Variants in KLHL29 observed in about 807,000 individuals in gnomAD.
The protein encoded by KLHL29 is kelch like family member 29.
In KLHL29, 21 loss-of-function variants were observed where a neutral mutation model predicts 80.4. That is an observed-to-expected ratio of 0.26 (90% CI 0.19 to 0.38). The LOEUF (loss-of-function observed/expected upper bound fraction) is 0.38, where lower values mean the gene tolerates loss of function less well. KLHL29 is among the 10% of genes least tolerant of loss of function. The probability of loss-of-function intolerance (pLI) is 1.00; values close to 1 mark genes in which losing one functional copy is unlikely to be tolerated. For missense variants in KLHL29, 867 were observed against 1,223.9 expected, an observed-to-expected ratio of 0.71 and a Z score of 4.35; for synonymous variants, 511 against 526.8, an observed-to-expected ratio of 0.97 and a Z score of 0.41.
intron 3 of KLHL29, among the ~76,000 whole-genome samples, chr2:23,597,640 G>A (rs1241250432): frequency 6.6e-6 from 1 of 151,774 alleles, no homozygotes; most frequent in East Asian, 2.0e-4. Flanking sequence ...GGCCAGACTG[G>A]TTTTGAACTC....
chr2:23,525,024 G>A (rs1206459612), intron 2 of KLHL29, among the ~76,000 whole-genome samples: 1 of 152,202 alleles, frequency 6.6e-6, no homozygotes, highest in Non-Finnish European at 1.5e-5. Flanking sequence ...AATACATACT[G>A]TTACTTTTAA....
chr2:23,589,326 T>A (rs1668199859), intron 3 of KLHL29, among the ~76,000 whole-genome samples: 1 of 152,192 alleles, frequency 6.6e-6, no homozygotes. Context: ...CTAGAGCACA[T>A]GAAATGGAAA....
chr2:23,620,308 G>C (rs1669138101), intron 3 of KLHL29, among the ~76,000 whole-genome samples: 1 of 152,172 alleles, frequency 6.6e-6, no homozygotes, highest in Non-Finnish European at 1.5e-5. Flanking sequence ...TGTTAGGGAG[G>C]AGAGTGACAT....
rs561436860 is a variant in KLHL29, at chr2:23,519,816, G to A, written c.-45-42336G>A. 8.9e-4 allele frequency among the ~76,000 whole-genome samples: 135 copies of A among 152,298 alleles called. 2 individuals carry two copies. In the South Asian group the frequency reaches 0.027, roughly 31 times the overall value. On this transcript the variant is annotated intron_variant, in intron 2 of 13. Coordinates refer to ENST00000486442, the MANE Select transcript of KLHL29 (RefSeq NM_052920.2). ...GCAAAGGCAGGAAGACCCAAAGTGA[G>A]GAGGGAGCTTCCAGGTCCCAGATAG... is the stretch of plus-strand genomic sequence containing the variant.
At chr2:23,417,321 A>T (rs901298367) in intron 1 of KLHL29, among the ~76,000 whole-genome samples, 3 of 152,118 alleles carry the variant, frequency 2.0e-5, no homozygotes, top group Non-Finnish European at 4.4e-5. Context: ...TAGAGATCTC[A>T]TTTGGGGATA....
chr2:23,635,477 A>G lies in KLHL29; in HGVS notation c.286-3662A>G, dbSNP rs544110684. Among the ~76,000 whole-genome samples, 83 of 152,340 alleles carry G rather than the reference A, an allele frequency of 5.4e-4. 3 individuals carry two copies. In the South Asian group the frequency reaches 0.017, roughly 31 times the overall value. ...GAGGCCCCCAGCCCCCATGGCCAGC[A>G]GGTGCCTCCCCCTCTGCGCTGCCTC... On this transcript the variant is annotated intron_variant, in intron 3 of 13. Coordinates refer to ENST00000486442, the MANE Select transcript of KLHL29 (RefSeq NM_052920.2).
intron 1 of KLHL29, among the ~76,000 whole-genome samples, chr2:23,432,990 G>T (rs1291970557): frequency 6.6e-6 from 1 of 152,182 alleles, no homozygotes; most frequent in East Asian, 1.9e-4. Context: ...GGAATCAAAG[G>T]GGACTTTGGG....
chr2:23,387,129 T>C (rs1402072005), intron 1 of KLHL29, among the ~76,000 whole-genome samples: 1 of 152,160 alleles, frequency 6.6e-6, no homozygotes, highest in Non-Finnish European at 1.5e-5. Context: ...GGGCGAATCG[T>C]GGACGCAGGT....
intron 5 of KLHL29, among the ~76,000 whole-genome samples, chr2:23,676,194 T>G (rs1319534264): frequency 2.0e-5 from 3 of 152,198 alleles, no homozygotes; most frequent in African/African-American, 7.2e-5. Flanking sequence ...TTTGTTTTTT[T>G]TTTTTTTGAG....
intron 2 of KLHL29, among the ~76,000 whole-genome samples, chr2:23,557,648 G>A (rs1667332002): frequency 6.6e-6 from 1 of 152,092 alleles, no homozygotes; most frequent in African/African-American, 2.4e-5. Flanking sequence ...GGCAGAGAGT[G>A]GAGAGGTTTT....
At chr2:23,410,647 G>A (rs190022450) in intron 1 of KLHL29, among the ~76,000 whole-genome samples, 92 of 152,108 alleles carry the variant, frequency 6.0e-4, no homozygotes, top group African/African-American at 2.0e-3. Context: ...CTGTTGGTCC[G>A]CAGTCCTCTT....
intron 2 of KLHL29, among the ~76,000 whole-genome samples, chr2:23,526,908 T>C (rs934988824): frequency 2.6e-5 from 4 of 152,108 alleles, no homozygotes; most frequent in Non-Finnish European, 2.9e-5. Context: ...GAGCCGGGTG[T>C]TAAACATTTA....
chr2:23,465,544 C>T (rs1664325658), intron 1 of KLHL29, among the ~76,000 whole-genome samples: 1 of 152,194 alleles, frequency 6.6e-6, no homozygotes, highest in Non-Finnish European at 1.5e-5. Flanking sequence ...TCAGAGGGTT[C>T]CCAGCAGGAC....
chr2:23,704,883 T>A (rs1672621893), intron 13 of KLHL29, among the ~76,000 whole-genome samples: 1 of 152,246 alleles, frequency 6.6e-6, no homozygotes. Flanking sequence ...GGGAATAGCA[T>A]GAAGTACTTA....
In KLHL29 at chr2:23,647,273, G is replaced by C. The variant is rs1669963932; in HGVS notation, c.940+4423G>C. ...TCCAGGGCACATTGTTCCTTCCACA[G>C]CCTCCATAAATATTCTGGAAGAAGC... is the stretch of plus-strand genomic sequence containing the variant. On this transcript the variant is annotated intron_variant, in intron 5 of 13. Coordinates refer to ENST00000486442, the MANE Select transcript of KLHL29 (RefSeq NM_052920.2). The surrounding 1 kb of genome is among the most constrained non-coding windows in gnomAD (Gnocchi z 4.9). 6.6e-6 allele frequency among the ~76,000 whole-genome samples: 1 copy of C among 152,176 alleles called. No individual in the cohort carries two copies. The highest frequency in any genetic ancestry group is 1.5e-5 in the Non-Finnish European group (1 of 68,034).
At chr2:23,521,247 C>T (rs954626591) in intron 2 of KLHL29, among the ~76,000 whole-genome samples, 1 of 152,112 alleles carries the variant, frequency 6.6e-6, no homozygotes, top group Non-Finnish European at 1.5e-5. Context: ...CAGAAGGACT[C>T]CCAGGGAAGG....
Position 23,461,976 on chromosome 2 carries a change from A to ATTTTTTTT in KLHL29, c.-153-13578_-153-13571dup, listed in dbSNP as rs10659814. 2.4e-3 allele frequency among the ~76,000 whole-genome samples: 344 copies of ATTTTTTTT among 141,298 alleles called. 2 individuals carry two copies. The highest frequency in any genetic ancestry group is 8.0e-3 in the African/African-American group (290 of 36,454). The allele number at this position is 141,298 out of a possible 152,430, so 92.7% of individuals were successfully genotyped here. On this transcript the variant is annotated intron_variant, in intron 1 of 13. Transcript: ENST00000486442. ...TGCAAAAGTAATTGCGGTTTTTGCC[A>ATTTTTTTT]TTTTTTTTTTTTTAATGACAAAAAT...
chr2:23,504,600 T>C (rs1558363488), intron 2 of KLHL29, among the ~76,000 whole-genome samples: 2 of 152,106 alleles, frequency 1.3e-5, no homozygotes, highest in African/African-American at 2.4e-5. Flanking sequence ...CAGCCTTCCC[T>C]GAAAGGGAGT....
intron 3 of KLHL29, among the ~76,000 whole-genome samples, chr2:23,607,562 G>T (rs1668759008): frequency 6.6e-6 from 1 of 152,166 alleles, no homozygotes; most frequent in African/African-American, 2.4e-5. Flanking sequence ...CTTTAGAGCA[G>T]GGGTCACCCA....
Sources: gnomAD v4.1 joint callset for allele counts (sites outside exome capture counted in the v4.1 genomes callset) on GRCh38, gnomAD v4.1.1 for gene constraint, Gnocchi (gnomAD v3.1) non-coding constraint, MANE v1.5 for transcripts, NCBI Gene and HGNC (gene_info 2026-07-23, HGNC 2026-07-21) for gene names.